SEC24B: variants seen among roughly 807,000 people sequenced by gnomAD.
The protein encoded by SEC24B is SEC24 homolog B, COPII component, also known as protein transport protein Sec24B.
SEC24B carries 45 observed loss-of-function variants against 142.8 expected under a neutral mutation model. That is an observed-to-expected ratio of 0.32 (90% CI 0.25 to 0.40). The LOEUF is 0.40. SEC24B is among the 10% of genes least tolerant of loss of function. The pLI is 1.00. For missense variants in SEC24B, 1,409 were observed against 1,526.8 expected, an observed-to-expected ratio of 0.92 and a Z score of 1.29; for synonymous variants, 574 against 568.2, an observed-to-expected ratio of 1.01 and a Z score of -0.15.
chr4:109,516,716 C>T (rs1722973451), intron 11 of SEC24B, 76 bp downstream of exon 11: 2 of 806,058 alleles, frequency 2.5e-6, no homozygotes, highest in Non-Finnish European at 3.8e-6. Flanking sequence ...GAAGTGTTCG[C>T]AGTTTGTGGG....
At chr4:109,521,743 C>G in intron 14 of SEC24B, 117 bp downstream of exon 14, 1 of 845,792 alleles carries the variant, frequency 1.2e-6, no homozygotes, top group East Asian at 2.7e-5. Context: ...TTTTTTGTTT[C>G]TTTTTTGAGA....
chr4:109,512,285 A>G (rs1386949146), intron 9 of SEC24B, among the ~76,000 whole-genome samples: 1 of 152,204 alleles, frequency 6.6e-6, no homozygotes, highest in Non-Finnish European at 1.5e-5. Flanking sequence ...GAGGAGAGTA[A>G]CAGTGAGGAC....
rs1482527510 is a variant in SEC24B, at chr4:109,530,448, T to C, written c.3236T>C (p.Leu1079Ser). 1.9e-6 allele frequency: 3 copies of C among 1,613,654 alleles called. No individual in the cohort carries two copies. The African/African-American group carries it at 4.0e-5, about 22-fold the overall frequency. Residue 1079 changes from leucine to serine, a missense_variant, in exon 19 of 24, where the codon TTG becomes TCG. By Grantham distance (145) the Leu-to-Ser change is moderately radical. This residue lies in a region of SEC24B where 700 missense variants were observed against 853.3 expected (regional missense o/e 0.82). Coordinates refer to ENST00000265175, the MANE Select transcript of SEC24B (RefSeq NM_006323.5). ...SSLKLFPLYV[L>S]ALLKQKAFRT... ...CTCAAGTTGTTTCCTCTCTATGTTT[T>C]GGCCCTTCTCAAACAGGTAGCTTTT...
At chr4:109,527,275 T>C (rs765738078) in intron 17 of SEC24B, 47 bp from the exon 18 acceptor site, 16 of 1,266,844 alleles carry the variant, frequency 1.3e-5, no homozygotes, top group Non-Finnish European at 1.7e-5. Flanking sequence ...TTTGCTTTGC[T>C]TTATTTCCTT....
At chr4:109,483,540 C>A in intron 4 of SEC24B, among the ~76,000 whole-genome samples, 1 of 147,408 alleles carries the variant, frequency 6.8e-6, no homozygotes, top group Non-Finnish European at 1.5e-5. Context: ...ATTAGGGACT[C>A]TCAACCTATA....
Position 109,524,858 on chromosome 4 carries a change from A to C in SEC24B, c.2549A>C (p.Lys850Thr). Reference sequence around the variant, plus strand: ...GGCCCTGCAACTGATTTTTATAAGAAACTTGCATTAGATTGCTCGGGACAG... The same window carrying C: ...GGCCCTGCAACTGATTTTTATAAGACACTTGCATTAGATTGCTCGGGACAG... ...HLGPATDFYK[K>T]LALDCSGQQT... The change falls in exon 15 of 24, where the codon AAA (lysine) becomes ACA (threonine). Residue 850 changes from lysine (K) to threonine (T), a missense_variant. Around this residue, in one of 2 missense-constraint regions of SEC24B, gnomAD observed 700 missense variants for 853.3 expected, o/e 0.82. Transcript: ENST00000265175. 1.9e-6 allele frequency: 3 copies of C among 1,612,514 alleles called. No individual in the cohort carries two copies. The African/African-American group carries it at 4.0e-5, about 22-fold the overall frequency.
At chr4:109,484,098 C>T (rs766529273) in intron 4 of SEC24B, among the ~76,000 whole-genome samples, 1 of 152,208 alleles carries the variant, frequency 6.6e-6, no homozygotes, top group Non-Finnish European at 1.5e-5. Context: ...TGAAGTAGAT[C>T]AGCTATAAAG....
rs528070713 is a variant in SEC24B at position 109,488,142 on chromosome 4, T to TTA, written c.1166-3184_1166-3183dup. ...TTCACATACCATAAAATTCACCTAT[T>TTA]TAAGTTGTGCTGTTCTGCAGTTTTT... On this transcript the variant is annotated intron_variant, in intron 4 of 23. Transcript: ENST00000265175. Among the ~76,000 whole-genome samples the TTA allele has an allele frequency of 1.1e-4, 17 of 152,306 alleles. No homozygotes were observed. In the South Asian group the frequency reaches 3.5e-3, roughly 32 times the overall value.
chr4:109,522,008 G>C (rs1327729358), intron 14 of SEC24B, among the ~76,000 whole-genome samples: 1 of 151,658 alleles, frequency 6.6e-6, no homozygotes, highest in African/African-American at 2.4e-5. Context: ...TGGGATTACA[G>C]GCATGAGCTA....
chr4:109,532,788 C>T (rs376252432), intron 21 of SEC24B, 45 bp downstream of exon 21: 5 of 981,264 alleles, frequency 5.1e-6, no homozygotes, highest in Non-Finnish European at 8.2e-6. Flanking sequence ...TTGAGCTGAC[C>T]AAAAACAAAG....
chr4:109,460,077 G>A (rs762102845), intron 1 of SEC24B, among the ~76,000 whole-genome samples: 20 of 152,108 alleles, frequency 1.3e-4, no homozygotes, highest in Non-Finnish European at 1.9e-4. Context: ...GTAAAATAGC[G>A]TTATCAGTAT....
In SEC24B at chr4:109,481,650, C is replaced by G. The variant is rs971678985; in HGVS notation, c.1061-27C>G. 7.3e-6 allele frequency: 11 copies of G among 1,515,550 alleles called. No homozygotes were observed. The African/African-American group carries it at 1.2e-4, about 17-fold the overall frequency. 93.9% of individuals were successfully genotyped at this position (1,515,550 alleles called of 1,614,324 possible). ...TCTCATCTTTCCTGTTGGTTTGACTCTTATGTTTGTGCTTTCCACTTTACA... is the reference window on the plus strand; with the variant it reads ...TCTCATCTTTCCTGTTGGTTTGACTGTTATGTTTGTGCTTTCCACTTTACA... On this transcript the variant is annotated intron_variant, in intron 3 of 23. Transcript: ENST00000265175.
At chr4:109,523,049 A>T (rs538245285) in intron 14 of SEC24B, among the ~76,000 whole-genome samples, 117 of 151,752 alleles carry the variant, frequency 7.7e-4, no homozygotes, top group Middle Eastern at 6.8e-3. Flanking sequence ...TTTTTTTTTT[A>T]AAAAAGGGCT....
chr4:109,506,085 C>T (rs1234501292), intron 6 of SEC24B, among the ~76,000 whole-genome samples: 3 of 152,062 alleles, frequency 2.0e-5, no homozygotes, highest in African/African-American at 7.2e-5. Flanking sequence ...CCAAATTGCT[C>T]ATGTTGAAAA....
At chr4:109,479,220 T>C (rs927435468) in intron 3 of SEC24B, among the ~76,000 whole-genome samples, 15 of 152,168 alleles carry the variant, frequency 9.9e-5, no homozygotes, top group Admixed American at 5.2e-4. Flanking sequence ...ATAAAGTGTT[T>C]CATGTTTCTT....
In SEC24B at chr4:109,463,104, G is replaced by A. The variant is rs1412358683; in HGVS notation, c.337G>A (p.Ala113Thr). Reference protein sequence around the residue: ...TPNTVNQQPGAQQLYSRGPPA... With the variant: ...TPNTVNQQPGTQQLYSRGPPA... ...TAACACAGTGAACCAGCAACCAGGA[G>A]CACAGCAGTTGTACAGCAGGGGTCC... Residue 113 changes from alanine (A) to threonine (T), a missense_variant, in exon 2 of 24, where the codon GCA becomes ACA. This residue lies in a region of SEC24B where 709 missense variants were observed against 673.5 expected (regional missense o/e 1.05). Transcript: ENST00000265175. The A allele has an allele frequency of 2.5e-6, 4 of 1,614,138 alleles. No homozygotes were observed. The highest frequency in any genetic ancestry group is 2.2e-5 in the East Asian group (1 of 44,882).
chr4:109,467,527 A>G (rs1020281214), intron 2 of SEC24B, among the ~76,000 whole-genome samples: 1 of 152,142 alleles, frequency 6.6e-6, no homozygotes, highest in Non-Finnish European at 1.5e-5. Context: ...GATAATAAGT[A>G]CAGAAGCTCT....
intron 22 of SEC24B, among the ~76,000 whole-genome samples, chr4:109,536,781 G>A (rs750832312): frequency 5.3e-5 from 8 of 151,384 alleles, no homozygotes; most frequent in African/African-American, 1.2e-4. Flanking sequence ...CCCCCACCTC[G>A]GCCTCCCAAA....
intron 22 of SEC24B, among the ~76,000 whole-genome samples, chr4:109,534,898 G>A (rs994523958): frequency 6.6e-6 from 1 of 152,060 alleles, no homozygotes; most frequent in Non-Finnish European, 1.5e-5. Context: ...GGCTGGTCTC[G>A]AACTACTGGG....
Sources: allele counts gnomAD v4.1 joint callset (sites outside exome capture counted in the v4.1 genomes callset), GRCh38; gene constraint gnomAD v4.1.1; regional missense constraint gnomAD v4.1.1; transcripts MANE v1.5; gene names NCBI Gene and HGNC (gene_info 2026-07-23, HGNC 2026-07-21).